Variants in FAM169A observed in about 807,000 individuals in gnomAD.
FAM169A encodes soluble lamin-associated protein of 75 kDa.
FAM169A carries 24 observed loss-of-function variants against 75.7 expected under a neutral mutation model. The observed-to-expected ratio is 0.32, with a 90% CI of 0.23 to 0.45. The LOEUF is 0.45. Ranked by LOEUF, FAM169A falls within the 20% of genes least tolerant of loss-of-function variation. The pLI is 1.00. For missense variants in FAM169A, 673 were observed against 784.0 expected (o/e 0.86, Z 1.69); for synonymous variants, 271 against 271.0 (o/e 1.00, Z 0.00).
At chr5:74,835,276 C>T (rs16872321) in intron 4 of FAM169A, among the ~76,000 whole-genome samples, 3,368 of 152,192 alleles carry the variant, frequency 0.022, 123 homozygotes, top group African/African-American at 0.077. Context: ...CGCACCAACA[C>T]TCAGAACTTT....
chr5:74,784,640 G>A (rs1745594732), intron 11 of FAM169A, among the ~76,000 whole-genome samples: 1 of 148,342 alleles, frequency 6.7e-6, no homozygotes, highest in Non-Finnish European at 1.5e-5. Context: ...AAAATAGGCT[G>A]GGCCACGGTG....
At chr5:74,797,402 C>CCTGACCTGAGGTGATCCACCTG (rs1358656468) in intron 10 of FAM169A, among the ~76,000 whole-genome samples, 1 of 152,152 alleles carries the variant, frequency 6.6e-6, no homozygotes, top group Admixed American at 6.5e-5. Context: ...GTTTCCAACT[C>CCTGACCTGAGGTGATCCACCTG]CTGACCTGAG....
chr5:74,785,677 G>A (rs761499652), intron 11 of FAM169A, among the ~76,000 whole-genome samples: 41 of 152,224 alleles, frequency 2.7e-4, no homozygotes, highest in Non-Finnish European at 5.7e-4. Context: ...CATGAGAATC[G>A]CTTAAACTCA....
intron 2 of FAM169A, among the ~76,000 whole-genome samples, chr5:74,840,828 CA>C (rs958890361): frequency 4.3e-5 from 5 of 115,610 alleles, no homozygotes; most frequent in Non-Finnish European, 5.5e-5. Context: ...GACTCCATCT[CA>C]AAAAAAAAAC....
rs1261322207 is a variant in FAM169A, at chr5:74,820,975, G to A, written c.491-6956C>T. 4.6e-5 allele frequency among the ~76,000 whole-genome samples: 7 copies of A among 152,196 alleles called. 1 individual carries two copies. In the South Asian group the frequency reaches 1.5e-3, roughly 32 times the overall value. ...AGGGCTTCTGCATTTTCAGCTCTTTGCCTGAAAATTTCTTCTCCTGATCTC... is the reference window on the plus strand; with the variant it reads ...AGGGCTTCTGCATTTTCAGCTCTTTACCTGAAAATTTCTTCTCCTGATCTC... On this transcript the variant is annotated intron_variant, in intron 5 of 12. Coordinates refer to ENST00000687041, the MANE Select transcript of FAM169A (RefSeq NM_001376049.1).
At chr5:74,838,689 A>G (rs1748696165) in intron 4 of FAM169A, among the ~76,000 whole-genome samples, 1 of 152,184 alleles carries the variant, frequency 6.6e-6, no homozygotes, top group Non-Finnish European at 1.5e-5. Flanking sequence ...CCTCTATCAA[A>G]TAAGAAAATC....
intron 8 of FAM169A, among the ~76,000 whole-genome samples, chr5:74,803,437 C>T (rs1349416484): frequency 6.6e-6 from 1 of 152,094 alleles, no homozygotes; most frequent in Admixed American, 6.5e-5. Flanking sequence ...ATTTGCCACT[C>T]GAATAGTCAA....
intron 7 of FAM169A, 23 bp from the exon 8 acceptor site, chr5:74,804,628 A>G: frequency 7.6e-7 from 1 of 1,315,440 alleles, no homozygotes; most frequent in Non-Finnish European, 1.1e-6. Flanking sequence ...GAATTTTAAA[A>G]ACTGTAACCG....
chr5:74,805,570 G>A (rs867105658), intron 6 of FAM169A, among the ~76,000 whole-genome samples: 24 of 113,354 alleles, frequency 2.1e-4, no homozygotes, highest in Middle Eastern at 8.9e-3. Flanking sequence ...TTGCTATGTC[G>A]CCCAGGCTGG....
At chr5:74,829,739 C>T (rs1167609650) in intron 5 of FAM169A, among the ~76,000 whole-genome samples, 1 of 152,110 alleles carries the variant, frequency 6.6e-6, no homozygotes, top group Non-Finnish European at 1.5e-5. Context: ...TTTGGGAGCC[C>T]AAGACAGGTG....
At chr5:74,830,539 A>C (rs16872305) in intron 5 of FAM169A, among the ~76,000 whole-genome samples, 3,144 of 152,304 alleles carry the variant, frequency 0.021, 106 homozygotes, top group African/African-American at 0.072. Flanking sequence ...AGATTATGAG[A>C]AATACAATGC....
At chr5:74,810,522 G>C (rs1033135594) in intron 6 of FAM169A, among the ~76,000 whole-genome samples, 1 of 151,998 alleles carries the variant, frequency 6.6e-6, no homozygotes, top group Non-Finnish European at 1.5e-5. Context: ...GTCCGAGGCG[G>C]GTGGATCACG....
At chr5:74,861,280 AC>A (rs1280074532) in intron 1 of FAM169A, among the ~76,000 whole-genome samples, 1 of 152,194 alleles carries the variant, frequency 6.6e-6, no homozygotes, top group African/African-American at 2.4e-5. Context: ...ACTTGCTCTT[AC>A]TTAGAAATCT....
At position 74,810,970 on chromosome 5, in the gene FAM169A, C is replaced by T. The variant is rs957792827; in HGVS notation, c.670+2870G>A. On this transcript the variant is annotated intron_variant, in intron 6 of 12. Transcript: ENST00000687041. ...GGACTACAGGCGCACACCACTAGGCCTGGATTTTTTTTTTTTTTTTTTTTT... is the reference window on the plus strand; with the variant it reads ...GGACTACAGGCGCACACCACTAGGCTTGGATTTTTTTTTTTTTTTTTTTTT... 1.4e-4 allele frequency among the ~76,000 whole-genome samples: 19 copies of T among 139,238 alleles called. No individual in the cohort carries two copies. In the Admixed American group the frequency reaches 1.4e-3, roughly 10 times the overall value. The allele number at this position is 139,238 out of a possible 152,430, so 91.3% of individuals were successfully genotyped here.
At chr5:74,797,434 C>T (rs10039222) in intron 10 of FAM169A, among the ~76,000 whole-genome samples, 20,215 of 152,154 alleles carry the variant, frequency 0.13, 1,685 homozygotes, top group Middle Eastern at 0.23. Flanking sequence ...GCCTCGGCCT[C>T]CCAAAGTGCT....
At chr5:74,791,383 C>T (rs879435362) in intron 11 of FAM169A, among the ~76,000 whole-genome samples, 1 of 152,196 alleles carries the variant, frequency 6.6e-6, no homozygotes, top group Non-Finnish European at 1.5e-5. Context: ...TTTTTGCTTC[C>T]TGTCCCCATG....
chr5:74,793,340 A>G (rs1416260410), intron 11 of FAM169A, among the ~76,000 whole-genome samples: 1 of 152,002 alleles, frequency 6.6e-6, no homozygotes, highest in African/African-American at 2.4e-5. Flanking sequence ...AAAAAAAAAA[A>G]AAGTGGTATA....
intron 1 of FAM169A, among the ~76,000 whole-genome samples, chr5:74,855,466 G>A (rs1749660019): frequency 6.6e-6 from 1 of 152,148 alleles, no homozygotes; most frequent in African/African-American, 2.4e-5. Flanking sequence ...CCAAAGCGCT[G>A]GGATTATAGG....
chr5:74,866,399 G>A (rs1750351156), upstream of FAM169A: 2 of 982,184 alleles, frequency 2.0e-6, no homozygotes, highest in African/African-American at 3.5e-5. Context: ...GCGCCGCAGC[G>A]CCTCCAGCCT....
Sources: allele counts gnomAD v4.1 joint callset (sites outside exome capture counted in the v4.1 genomes callset), GRCh38; gene constraint gnomAD v4.1.1; transcripts MANE v1.5; gene names NCBI Gene and HGNC (gene_info 2026-07-23, HGNC 2026-07-21).